Variants in ARSJ observed in about 807,000 individuals in gnomAD.
ARSJ encodes arylsulfatase J.
In ARSJ, 26 loss-of-function variants were observed where a neutral mutation model predicts 35.9. The ratio of observed to expected loss-of-function variants is 0.72; its 90% CI spans 0.53 to 1.00. The LOEUF is 1.00. Ranked by LOEUF, ARSJ falls within the 50% of genes least tolerant of loss-of-function variation. ARSJ has a pLI of 0.00. For synonymous variants in ARSJ, 294 were observed against 267.6 expected (o/e 1.10, Z -0.96); for missense variants, 667 against 723.6 (o/e 0.92, Z 0.90).
intron 1 of ARSJ, among the ~76,000 whole-genome samples, chr4:113,931,088 G>A (rs7688516): frequency 0.33 from 50,465 of 151,448 alleles, 8,999 homozygotes; most frequent in East Asian, 0.68. Flanking sequence ...TGACGAGTTA[G>A]TGGGTGCAGC....
At chr4:113,934,011 T>A (rs1385831519) in intron 1 of ARSJ, among the ~76,000 whole-genome samples, 1 of 151,772 alleles carries the variant, frequency 6.6e-6, no homozygotes, top group Non-Finnish European at 1.5e-5. Flanking sequence ...ATCAAAAAAC[T>A]GTTAGAATTG....
intron 1 of ARSJ, among the ~76,000 whole-genome samples, chr4:113,974,451 T>C (rs1407925067): frequency 6.6e-6 from 1 of 151,988 alleles, no homozygotes; most frequent in Non-Finnish European, 1.5e-5. Context: ...AGGAATAGAA[T>C]ATATAACTAC....
At chr4:113,944,303 C>A (rs960352221) in intron 1 of ARSJ, 1 of 151,990 alleles carries the variant, frequency 6.6e-6, no homozygotes, top group Non-Finnish European at 1.5e-5. Context: ...CCTGTTTAAA[C>A]AACTCAGCCA....
intron 1 of ARSJ, among the ~76,000 whole-genome samples, chr4:113,910,248 T>G (rs897382374): frequency 1.3e-5 from 2 of 152,184 alleles, no homozygotes; most frequent in Non-Finnish European, 2.9e-5. Context: ...TATAATTTTT[T>G]GTATTAATTT....
intron 1 of ARSJ, among the ~76,000 whole-genome samples, chr4:113,955,896 C>G (rs1340152409): frequency 6.6e-6 from 1 of 151,968 alleles, no homozygotes; most frequent in Non-Finnish European, 1.5e-5. Context: ...GAAAATGTTG[C>G]CTTTTAGTAT....
chr4:113,901,017 C>G lies in ARSJ; in HGVS notation c.*1257G>C, dbSNP rs369470990. The G allele has an allele frequency of 6.6e-6, 1 of 152,098 alleles. No homozygotes were observed. The highest frequency in any genetic ancestry group is 1.9e-4 in the East Asian group (1 of 5,196). 9.4% of individuals were successfully genotyped at this position (152,098 alleles called of 1,614,324 possible). A position where few individuals can be genotyped will look rare whatever the true frequency, so the allele number is the denominator to read the frequency against. ...GTTATTATTATGGGAAAATCTTTCT[C>G]CATGTCATAGCCAAGGGGAAGCATC... On this transcript the variant is annotated 3_prime_UTR_variant, in exon 2 of 2. Coordinates refer to ENST00000315366, the MANE Select transcript of ARSJ (RefSeq NM_024590.4).
intron 1 of ARSJ, among the ~76,000 whole-genome samples, chr4:113,941,963 G>T (rs1411083391): frequency 6.6e-6 from 1 of 151,918 alleles, no homozygotes; most frequent in African/African-American, 2.4e-5. Flanking sequence ...AGAGGGTGGA[G>T]CAGGTGACAG....
chr4:113,924,375 T>C (rs1280275618), intron 1 of ARSJ, among the ~76,000 whole-genome samples: 1 of 151,832 alleles, frequency 6.6e-6, no homozygotes, highest in East Asian at 1.9e-4. Context: ...AGATTAAGGG[T>C]GGGTCGGTCT....
intron 1 of ARSJ, among the ~76,000 whole-genome samples, chr4:113,932,776 A>AATCTACTG (rs1724535707): frequency 6.6e-6 from 1 of 152,066 alleles, no homozygotes. Context: ...TCAAATAAGC[A>AATCTACTG]ATCTACTGAT....
chr4:113,978,809 T>G lies in ARSJ; in HGVS notation c.26A>C (p.His9Pro), dbSNP rs773361790. Residue 9 changes from histidine (H) to proline (P), a missense_variant, in exon 1 of 2, where the codon CAT (histidine) becomes CCT (proline). Physicochemically the swap from His to Pro is moderately conservative, Grantham distance 77. Coordinates refer to ENST00000315366, the MANE Select transcript of ARSJ (RefSeq NM_024590.4). ...GGCCTGTGGAGAAGGCGGAGGCGGA[T>G]GCCCCGCACAGCCCCTGGGAGCCAT... Reference protein sequence around the residue: MAPRGCAGHPPPPSPQACV... With the variant: MAPRGCAGPPPPPSPQACV... The G allele has an allele frequency of 1.2e-6, 2 of 1,611,010 alleles. No homozygotes were observed. Among genetic ancestry groups the G allele is most frequent in the Admixed American group, 1.7e-5 (1 of 59,612 alleles).
intron 1 of ARSJ, among the ~76,000 whole-genome samples, chr4:113,930,136 T>C (rs918659009): frequency 6.6e-6 from 1 of 152,080 alleles, no homozygotes; most frequent in Non-Finnish European, 1.5e-5. Flanking sequence ...TCTGTATTAG[T>C]CAAGGTTCTC....
At chr4:113,960,581 T>A (rs906287805) in intron 1 of ARSJ, among the ~76,000 whole-genome samples, 4 of 152,082 alleles carry the variant, frequency 2.6e-5, no homozygotes, top group Non-Finnish European at 5.9e-5. Flanking sequence ...AAAAAAAGAA[T>A]CAAAGAATTT....
chr4:113,925,910 C>T (rs1412026504), intron 1 of ARSJ, among the ~76,000 whole-genome samples: 3 of 152,120 alleles, frequency 2.0e-5, no homozygotes, highest in Admixed American at 2.0e-4. Context: ...GGAAATTGGG[C>T]ACTCAGTAGT....
chr4:113,901,295 G>A lies in ARSJ; in HGVS notation c.*979C>T, dbSNP rs1443573785. 4.6e-5 allele frequency: 7 copies of A among 152,066 alleles called. No homozygotes were observed. The highest frequency in any genetic ancestry group is 4.6e-4 in the Admixed American group (7 of 15,260). 9.4% of individuals were successfully genotyped at this position (152,066 alleles called of 1,614,324 possible). On this transcript the variant is annotated 3_prime_UTR_variant, in exon 2 of 2. Transcript: ENST00000315366. ...CATTGAATTTCCAAGTAATTTGTAA[G>A]GAATATATTCATCTTATTACATTCA...
At chr4:113,938,695 A>G (rs564362573) in intron 1 of ARSJ, among the ~76,000 whole-genome samples, 16 of 151,938 alleles carry the variant, frequency 1.1e-4, no homozygotes, top group Non-Finnish European at 2.2e-4. Context: ...CCTATCCAGA[A>G]TATACAAAGA....
At chr4:113,951,528 T>A (rs1725865420) in intron 1 of ARSJ, among the ~76,000 whole-genome samples, 1 of 152,110 alleles carries the variant, frequency 6.6e-6, no homozygotes, top group African/African-American at 2.4e-5. Flanking sequence ...CACACGAGCT[T>A]ATTTGGCAGC....
chr4:113,953,079 C>CA (rs1464411658), intron 1 of ARSJ, among the ~76,000 whole-genome samples: 1 of 151,968 alleles, frequency 6.6e-6, no homozygotes, highest in Non-Finnish European at 1.5e-5. Flanking sequence ...CCCCATTTCA[C>CA]AAAAAGGAAA....
intron 1 of ARSJ, among the ~76,000 whole-genome samples, chr4:113,963,034 C>T (rs1421920166): frequency 6.6e-6 from 1 of 151,948 alleles, no homozygotes; most frequent in Non-Finnish European, 1.5e-5. Flanking sequence ...TACAACGATC[C>T]CTTCCTTGCC....
intron 1 of ARSJ, among the ~76,000 whole-genome samples, chr4:113,959,662 A>C (rs980668769): frequency 2.6e-4 from 39 of 152,120 alleles, no homozygotes; most frequent in African/African-American, 8.9e-4. Flanking sequence ...CAAATTTCAC[A>C]GACAGTATAT....
Sources: gnomAD v4.1 joint callset for allele counts (sites outside exome capture counted in the v4.1 genomes callset) on GRCh38, gnomAD v4.1.1 for gene constraint, MANE v1.5 for transcripts, NCBI Gene and HGNC (gene_info 2026-07-23, HGNC 2026-07-21) for gene names.